The following RAB2A variants were observed in gnomAD, a reference collection of about 807,000 sequenced individuals.
RAB2A encodes the protein RAB2A, member RAS oncogene family, also known as ras-related protein Rab-2A.
In RAB2A, 7 loss-of-function variants were observed where a neutral mutation model predicts 32.5. That is an observed-to-expected ratio of 0.22 (90% CI 0.12 to 0.40). The LOEUF is 0.40. RAB2A is among the 10% of genes least tolerant of loss of function. The probability of loss-of-function intolerance (pLI) is 1.00; values close to 1 mark genes in which losing one functional copy is unlikely to be tolerated. For synonymous variants in RAB2A, 79 were observed against 85.2 expected, an observed-to-expected ratio of 0.93 and a Z score of 0.40; for missense variants, 108 against 260.7, an observed-to-expected ratio of 0.41 and a Z score of 4.03.
chr8:60,544,505 T>C (rs1807697509), intron 1 of RAB2A, among the ~76,000 whole-genome samples: 1 of 151,254 alleles, frequency 6.6e-6, no homozygotes, highest in Admixed American at 6.6e-5. Flanking sequence ...CATTTGAGCC[T>C]CATGACATTC....
Position 60,605,852 on chromosome 8 carries a change from T to TATAA in RAB2A, c.475-12727_475-12726insTAAA, listed in dbSNP as rs777621349. Among the ~76,000 whole-genome samples, 54 of 144,786 alleles carry TATAA rather than the reference T, an allele frequency of 3.7e-4. No homozygotes were observed. In the Middle Eastern group the frequency reaches 0.011, roughly 29 times the overall value. 95.0% of individuals were successfully genotyped at this position (144,786 alleles called of 152,430 possible). ...TAATACATATATACATATATATATA[T>TATAA]AATGCTTCATTTCAAGCTGGGGGTG... On this transcript the variant is annotated intron_variant, in intron 6 of 7. Transcript: ENST00000262646.
chr8:60,578,195 T>G (rs1803674781), intron 3 of RAB2A, among the ~76,000 whole-genome samples: 1 of 152,188 alleles, frequency 6.6e-6, no homozygotes, highest in South Asian at 2.1e-4. Flanking sequence ...GTAACATATT[T>G]GAGTGCCTAC....
At chr8:60,567,559 T>C (rs1416002467) in intron 2 of RAB2A, among the ~76,000 whole-genome samples, 15 of 152,106 alleles carry the variant, frequency 9.9e-5, no homozygotes, top group Admixed American at 9.8e-4. Context: ...AATTTGAAAA[T>C]AGTTTTATTC....
intron 3 of RAB2A, among the ~76,000 whole-genome samples, chr8:60,580,334 T>A (rs7013249): frequency 6.6e-6 from 1 of 151,948 alleles, no homozygotes; most frequent in Admixed American, 6.6e-5. Context: ...TGCTTTAATA[T>A]GTCAAGGTAG....
chr8:60,529,104 T>C (rs188658289), intron 1 of RAB2A, among the ~76,000 whole-genome samples: 38 of 152,276 alleles, frequency 2.5e-4, no homozygotes, highest in Admixed American at 1.1e-3. Flanking sequence ...TTTTTCTTTG[T>C]CTTTTTCTTC....
chr8:60,527,549 A>C (rs1460643840), intron 1 of RAB2A, among the ~76,000 whole-genome samples: 2 of 152,142 alleles, frequency 1.3e-5, no homozygotes, highest in African/African-American at 4.8e-5. Context: ...CCACTCCCCT[A>C]GCATGTGGGG....
At chr8:60,536,595 G>C (rs1428364996) in intron 1 of RAB2A, among the ~76,000 whole-genome samples, 1 of 152,128 alleles carries the variant, frequency 6.6e-6, no homozygotes, top group East Asian at 1.9e-4. Flanking sequence ...TTATCTATGT[G>C]ACCTACTTGG....
chr8:60,595,663 A>G (rs1371194660), intron 6 of RAB2A, among the ~76,000 whole-genome samples: 1 of 152,206 alleles, frequency 6.6e-6, no homozygotes, highest in East Asian at 1.9e-4. Flanking sequence ...TGATAAAAGA[A>G]TCAGCCCTCC....
chr8:60,558,178 G>T lies in RAB2A; in HGVS notation c.47-674G>T, dbSNP rs77691879. 4.6e-3 allele frequency among the ~76,000 whole-genome samples: 701 copies of T among 152,328 alleles called. 4 individuals are homozygous for T. The highest frequency in any genetic ancestry group is 0.016 in the African/African-American group (651 of 41,574). On this transcript the variant is annotated intron_variant, in intron 1 of 7. Coordinates refer to ENST00000262646, the MANE Select transcript of RAB2A (RefSeq NM_002865.3). The stretch of plus-strand genomic sequence containing the variant: ...TTAAGCAGCCTTTGTCTAGTGTGAG[G>T]ATGAGGAAATGTTTCTTAGAGGACT...
At chr8:60,547,108 A>T (rs1218795008) in intron 1 of RAB2A, among the ~76,000 whole-genome samples, 2 of 151,236 alleles carry the variant, frequency 1.3e-5, no homozygotes, top group Non-Finnish European at 2.9e-5. Context: ...CTTAAGGAGC[A>T]TGCTGCCTTC....
At chr8:60,549,575 A>AT (rs1211586465) in intron 1 of RAB2A, among the ~76,000 whole-genome samples, 5 of 151,434 alleles carry the variant, frequency 3.3e-5, no homozygotes, top group Admixed American at 3.3e-4. Context: ...AAAGGACGGC[A>AT]TCTGTAATGT....
At chr8:60,525,074 A>T (rs79812362) in intron 1 of RAB2A, among the ~76,000 whole-genome samples, 130 of 152,298 alleles carry the variant, frequency 8.5e-4, no homozygotes, top group African/African-American at 2.9e-3. Flanking sequence ...GGAGAAACTG[A>T]GTTGTGTCAT....
At chr8:60,582,429 A>G (rs1803776302) in intron 3 of RAB2A, among the ~76,000 whole-genome samples, 1 of 152,234 alleles carries the variant, frequency 6.6e-6, no homozygotes, top group Admixed American at 6.5e-5. Flanking sequence ...GTTAGGATTT[A>G]CAGATGTCCA....
At position 60,605,442 on chromosome 8, in the gene RAB2A, C is replaced by T. The variant is rs140255324; in HGVS notation, c.475-13138C>T. ...TAGTGCAGCTGTGAGAAGATGACCA[C>T]GTCCTCCAGACCCCAGAATGGTAGA... On this transcript the variant is annotated intron_variant, in intron 6 of 7. Coordinates refer to ENST00000262646, the MANE Select transcript of RAB2A (RefSeq NM_002865.3). Among the ~76,000 whole-genome samples the T allele has an allele frequency of 4.6e-5, 7 of 152,302 alleles. No individual in the cohort carries two copies. In the East Asian group the frequency reaches 5.8e-4, roughly 13 times the overall value.
In RAB2A at chr8:60,526,150, G is replaced by T. The variant is rs1418579740; in HGVS notation, c.46+8897G>T. 2.6e-5 allele frequency among the ~76,000 whole-genome samples: 4 copies of T among 151,202 alleles called. No homozygotes were observed. In the East Asian group the frequency reaches 7.8e-4, roughly 30 times the overall value. On this transcript the variant is annotated intron_variant, in intron 1 of 7. Transcript: ENST00000262646. ...CGGTTCTATAGTTCAGAAGTCTAAC[G>T]TGTCACTGGGATGAAATCCAGGTTT...
intron 2 of RAB2A, among the ~76,000 whole-genome samples, chr8:60,563,458 G>A (rs1326115275): frequency 6.6e-6 from 1 of 152,130 alleles, no homozygotes; most frequent in Non-Finnish European, 1.5e-5. Flanking sequence ...ATTCATATGG[G>A]CACTGAAGGT....
At chr8:60,545,540 C>A (rs1183637242) in intron 1 of RAB2A, among the ~76,000 whole-genome samples, 1 of 152,078 alleles carries the variant, frequency 6.6e-6, no homozygotes, top group Non-Finnish European at 1.5e-5. Context: ...CTTGGCTTCC[C>A]GAAGCACTGG....
At chr8:60,599,856 C>T (rs995578571) in intron 6 of RAB2A, among the ~76,000 whole-genome samples, 1 of 151,724 alleles carries the variant, frequency 6.6e-6, no homozygotes, top group African/African-American at 2.4e-5. Flanking sequence ...GTATCTGAGC[C>T]TTAGCGTATG....
At chr8:60,543,328 A>G (rs1014178069) in intron 1 of RAB2A, among the ~76,000 whole-genome samples, 3 of 141,242 alleles carry the variant, frequency 2.1e-5, no homozygotes, top group African/African-American at 9.5e-5. Flanking sequence ...GGTGGCTCCA[A>G]GCGTTCATTG....
Sources: allele counts gnomAD v4.1 joint callset (sites outside exome capture counted in the v4.1 genomes callset), GRCh38; gene constraint gnomAD v4.1.1; transcripts MANE v1.5; gene names NCBI Gene and HGNC (gene_info 2026-07-23, HGNC 2026-07-21).